The following COL8A1 variants were observed in gnomAD, a reference collection of about 807,000 sequenced individuals.
The protein encoded by COL8A1 is collagen type VIII alpha 1 chain, also known as collagen alpha-1(VIII) chain.
A neutral mutation model predicts 42.7 loss-of-function variants in COL8A1; 21 were observed. The ratio of observed to expected loss-of-function variants is 0.49; its 90% CI spans 0.35 to 0.71. The LOEUF is 0.71. Ranked by LOEUF, COL8A1 falls within the 30% of genes least tolerant of loss-of-function variation. The probability of loss-of-function intolerance (pLI) is 0.01; values close to 1 mark genes in which losing one functional copy is unlikely to be tolerated. For synonymous variants in COL8A1, 367 were observed against 369.1 expected (o/e 0.99, Z 0.06); for missense variants, 788 against 962.4 (o/e 0.82, Z 2.40).
chr3:99,709,776 C>A (rs1233104588), intron 1 of COL8A1, among the ~76,000 whole-genome samples: 2 of 152,142 alleles, frequency 1.3e-5, no homozygotes, highest in Non-Finnish European at 2.9e-5. Context: ...AAATTAATTT[C>A]TTCCCAGAAG....
At chr3:99,756,543 G>A (rs185674438) in intron 2 of COL8A1, among the ~76,000 whole-genome samples, 30 of 152,286 alleles carry the variant, frequency 2.0e-4, no homozygotes, top group African/African-American at 5.3e-4. Flanking sequence ...ATTTCAAGAA[G>A]TACAAGGAAA....
chr3:99,681,672 T>A (rs1938886840), intron 1 of COL8A1, among the ~76,000 whole-genome samples: 1 of 152,166 alleles, frequency 6.6e-6, no homozygotes, highest in Non-Finnish European at 1.5e-5. Flanking sequence ...GTGCTTTGGG[T>A]TAGACCCAAA....
Position 99,682,557 on chromosome 3 carries a change from G to A in COL8A1, c.-129+43893G>A, listed in dbSNP as rs530787289. 2.2e-3 allele frequency among the ~76,000 whole-genome samples: 339 copies of A among 151,902 alleles called. 1 individual carries two copies. Among genetic ancestry groups the A allele is most frequent in the Non-Finnish European group, 4.2e-3 (284 of 67,980 alleles). ...TATAAATATTTTAAATCCTTATAAG[G>A]TTGGGGTACTTCTGGTCTGACTTTT... On this transcript the variant is annotated intron_variant, in intron 1 of 3. Coordinates refer to ENST00000652472, the MANE Select transcript of COL8A1 (RefSeq NM_020351.4).
chr3:99,674,240 C>A (rs1328794054), intron 1 of COL8A1, among the ~76,000 whole-genome samples: 2 of 151,944 alleles, frequency 1.3e-5, no homozygotes, highest in East Asian at 1.9e-4. Flanking sequence ...AACATAAGAA[C>A]CTTTCAGCTT....
intron 1 of COL8A1, among the ~76,000 whole-genome samples, chr3:99,654,665 G>A (rs1412942926): frequency 6.6e-6 from 1 of 152,060 alleles, no homozygotes; most frequent in Non-Finnish European, 1.5e-5. Context: ...GTGCATGCCT[G>A]TAGTCCCAGC....
chr3:99,690,647 T>C (rs902941775), intron 1 of COL8A1, among the ~76,000 whole-genome samples: 1 of 152,238 alleles, frequency 6.6e-6, no homozygotes, highest in Non-Finnish European at 1.5e-5. Context: ...ATGGTTTGTA[T>C]TGGCTACCCC....
At chr3:99,754,055 G>A (rs1390114661) in intron 2 of COL8A1, among the ~76,000 whole-genome samples, 3 of 151,998 alleles carry the variant, frequency 2.0e-5, no homozygotes, top group Non-Finnish European at 2.9e-5. Flanking sequence ...TACAGATATG[G>A]GTCTGCAAAA....
chr3:99,754,431 TG>T (rs1941213823), intron 2 of COL8A1, among the ~76,000 whole-genome samples: 2 of 151,940 alleles, frequency 1.3e-5, no homozygotes, highest in East Asian at 3.9e-4. Context: ...ATAACTATAC[TG>T]TTTTTTTTTT....
chr3:99,738,822 C>A (rs571681076), intron 1 of COL8A1, among the ~76,000 whole-genome samples: 4 of 152,214 alleles, frequency 2.6e-5, no homozygotes, highest in Non-Finnish European at 5.9e-5. Context: ...CCTCCCCCAG[C>A]CTCGCTGCTG....
In COL8A1 at chr3:99,795,386, C is replaced by T. The variant is rs771740787; in HGVS notation, c.1485C>T (p.Gly495=). Reference sequence around the variant, plus strand: ...TCCCAGGGGATCAGGGTTTACAGGGCCCCCCAGGTATCCCAGGGATTGGGG... The same window carrying T: ...TCCCAGGGGATCAGGGTTTACAGGGTCCCCCAGGTATCCCAGGGATTGGGG... ...PGIPGDQGLQ[G]PPGIPGIGGP... The change falls in exon 4 of 4, where the codon GGC becomes GGT. Residue 495 remains glycine (G), a synonymous_variant. Coordinates refer to ENST00000652472, the MANE Select transcript of COL8A1 (RefSeq NM_020351.4). 1.3e-5 allele frequency: 20 copies of T among 1,563,974 alleles called. No individual in the cohort carries two copies. Among genetic ancestry groups the T allele is most frequent in the Middle Eastern group, 1.7e-4 (1 of 5,970 alleles).
rs1330134447 is a variant in COL8A1 at position 99,794,759 on chromosome 3, G to A, written c.858G>A (p.Leu286=). 6.3e-7 allele frequency: 1 copy of A among 1,596,704 alleles called. No homozygotes were observed. The highest frequency in any genetic ancestry group is 8.5e-7 in the Non-Finnish European group (1 of 1,173,828). The stretch of plus-strand genomic sequence containing the variant: ...GCTTCCCTGGGCCCCAGGGCCCCCT[G>A]GGAAAGCCAGGGGCTCCAGGAGAAC... ...VTGFPGPQGP[L]GKPGAPGEPG... is the part of the protein sequence containing the mutation. Residue 286 remains leucine (L), a synonymous_variant, in exon 4 of 4, where the codon CTG becomes CTA. Coordinates refer to ENST00000652472, the MANE Select transcript of COL8A1 (RefSeq NM_020351.4). The surrounding 1 kb of genome is among the most constrained non-coding windows in gnomAD (Gnocchi z 4.3).
At chr3:99,706,101 C>T (rs1162791487) in intron 1 of COL8A1, among the ~76,000 whole-genome samples, 1 of 152,072 alleles carries the variant, frequency 6.6e-6, no homozygotes. Flanking sequence ...AGCCTGTATA[C>T]ACACTTTGGA....
chr3:99,785,764 C>T (rs990451840), intron 2 of COL8A1, among the ~76,000 whole-genome samples: 1 of 152,138 alleles, frequency 6.6e-6, no homozygotes, highest in Non-Finnish European at 1.5e-5. Context: ...CTGCCATCTA[C>T]AAGCCAAGGC....
Position 99,794,918 on chromosome 3 carries a change from A to G in COL8A1, c.1017A>G (p.Pro339=). 1.3e-6 allele frequency: 2 copies of G among 1,596,892 alleles called. No individual in the cohort carries two copies. Among genetic ancestry groups the G allele is most frequent in the Non-Finnish European group, 1.7e-6 (2 of 1,172,380 alleles). Residue 339 remains proline, a synonymous_variant, in exon 4 of 4, where the codon CCA becomes CCG. Coordinates refer to ENST00000652472, the MANE Select transcript of COL8A1 (RefSeq NM_020351.4). The surrounding 1 kb of genome is among the most constrained non-coding windows in gnomAD (Gnocchi z 4.3). ...GTGGCAAAGGGGAGCAAGGACTGCC[A>G]GGGCTACCAGGACCCCCAGGCCTTC... ...FPGGKGEQGL[P]GLPGPPGLPG...
At chr3:99,774,234 C>A (rs1941648743) in intron 2 of COL8A1, among the ~76,000 whole-genome samples, 1 of 150,742 alleles carries the variant, frequency 6.6e-6, no homozygotes, top group Non-Finnish European at 1.5e-5. Flanking sequence ...TAGAACCCAG[C>A]AGTAAGAATC....
chr3:99,689,386 G>T (rs1242289769), intron 1 of COL8A1, among the ~76,000 whole-genome samples: 1 of 152,132 alleles, frequency 6.6e-6, no homozygotes, highest in African/African-American at 2.4e-5. Context: ...TGTTTCCACA[G>T]ACCATAATCT....
At chr3:99,639,319 G>T (rs143742474) in intron 1 of COL8A1, among the ~76,000 whole-genome samples, 18 of 152,262 alleles carry the variant, frequency 1.2e-4, no homozygotes, top group African/African-American at 4.1e-4. Context: ...CCTAAAATGA[G>T]AATTACGATG....
chr3:99,672,568 T>C (rs1045856667), intron 1 of COL8A1, among the ~76,000 whole-genome samples: 1 of 151,726 alleles, frequency 6.6e-6, no homozygotes, highest in African/African-American at 2.4e-5. Flanking sequence ...AAAAAATGCT[T>C]TTTTTTAGTG....
In COL8A1 at chr3:99,795,533, A is replaced by G; in HGVS notation, c.1632A>G (p.Pro544=). The part of the protein sequence containing the change: ...KPGVAGLHGP[P]GKPGALGPQG... ...GAGTGGCAGGACTTCATGGCCCCCC[A>G]GGGAAGCCTGGTGCCCTTGGTCCTC... is the stretch of plus-strand genomic sequence containing the variant. The change falls in exon 4 of 4, where the codon CCA becomes CCG. Residue 544 remains proline, a synonymous_variant. Transcript: ENST00000652472. 1 of 1,599,050 alleles carries G rather than the reference A, an allele frequency of 6.3e-7. No individual in the cohort carries two copies. Among genetic ancestry groups the G allele is most frequent in the Non-Finnish European group, 8.5e-7 (1 of 1,173,520 alleles).
Sources: allele counts gnomAD v4.1 joint callset (sites outside exome capture counted in the v4.1 genomes callset), GRCh38; gene constraint gnomAD v4.1.1; non-coding constraint Gnocchi (gnomAD v3.1); transcripts MANE v1.5; gene names NCBI Gene and HGNC (gene_info 2026-07-23, HGNC 2026-07-21).